ULK4: variants seen among roughly 807,000 people sequenced by gnomAD.
ULK4 encodes inactive serine/threonine-protein kinase ULK4.
ULK4 carries 133 observed loss-of-function variants against 160.6 expected under a neutral mutation model. That is an observed-to-expected ratio of 0.83 (90% confidence interval 0.72 to 0.96). The LOEUF is 0.96. ULK4 is among the 40% of genes least tolerant of loss of function. ULK4 has a pLI of 0.00. For synonymous variants in ULK4, 534 were observed against 539.8 expected (o/e 0.99, Z 0.15); for missense variants, 1,580 against 1,499.5 (o/e 1.05, Z -0.89).
intron 35 of ULK4, among the ~76,000 whole-genome samples, chr3:41,282,202 A>T (rs1575391750): frequency 6.6e-6 from 1 of 152,230 alleles, no homozygotes; most frequent in Non-Finnish European, 1.5e-5. Flanking sequence ...GGAAGAATTG[A>T]TATCGTGAAA....
intron 35 of ULK4, among the ~76,000 whole-genome samples, chr3:41,272,367 T>C (rs1299518866): frequency 1.0e-5 from 1 of 98,242 alleles, no homozygotes; most frequent in African/African-American, 5.3e-5. Context: ...TTTTTTTTTT[T>C]TGCTGGAAAT....
At chr3:41,379,190 A>T (rs1300355590) in intron 35 of ULK4, among the ~76,000 whole-genome samples, 1 of 149,476 alleles carries the variant, frequency 6.7e-6, no homozygotes, top group Non-Finnish European at 1.5e-5. Context: ...TGTATCCCAG[A>T]ACTTAAAGTA....
intron 17 of ULK4, among the ~76,000 whole-genome samples, chr3:41,838,418 G>A (rs998780956): frequency 2.6e-5 from 4 of 151,960 alleles, no homozygotes; most frequent in Admixed American, 2.0e-4. Flanking sequence ...CTAGTAAAAC[G>A]GTGACACCAG....
chr3:41,767,551 A>G (rs2039207939), intron 21 of ULK4, among the ~76,000 whole-genome samples: 2 of 152,034 alleles, frequency 1.3e-5, no homozygotes, highest in South Asian at 4.2e-4. Flanking sequence ...TCCCTCAATT[A>G]TCCAACAGTT....
intron 16 of ULK4, among the ~76,000 whole-genome samples, chr3:41,886,100 G>C (rs186394847): frequency 2.0e-3 from 303 of 152,220 alleles, no homozygotes; most frequent in African/African-American, 7.0e-3. Context: ...ACAACAATAC[G>C]TACCTCATGT....
intron 21 of ULK4, among the ~76,000 whole-genome samples, chr3:41,760,324 A>G (rs1285432944): frequency 6.6e-6 from 1 of 152,170 alleles, no homozygotes; most frequent in Non-Finnish European, 1.5e-5. Flanking sequence ...GAATGCAGAA[A>G]TGGTACAGGA....
At chr3:41,486,756 G>C (rs1208100155) in intron 32 of ULK4, among the ~76,000 whole-genome samples, 1 of 152,108 alleles carries the variant, frequency 6.6e-6, no homozygotes, top group South Asian at 2.1e-4. Context: ...TGGCCTTCTG[G>C]ACTAACTGCA....
At chr3:41,370,349 G>C (rs150268325) in intron 35 of ULK4, among the ~76,000 whole-genome samples, 71 of 152,322 alleles carry the variant, frequency 4.7e-4, no homozygotes, top group African/African-American at 1.7e-3. Context: ...GTTTAGTGGG[G>C]ATTACCAGGC....
chr3:41,598,154 T>A (rs986048016), intron 31 of ULK4, among the ~76,000 whole-genome samples: 1 of 152,128 alleles, frequency 6.6e-6, no homozygotes, highest in Admixed American at 6.5e-5. Context: ...TGGTCCCACA[T>A]GACCAGTTCC....
At chr3:41,813,831 ATGT>A (rs1306194508) in intron 19 of ULK4, among the ~76,000 whole-genome samples, 2 of 152,150 alleles carry the variant, frequency 1.3e-5, no homozygotes, top group African/African-American at 2.4e-5. Context: ...AACAGAAACG[ATGT>A]TGTTTTCTTT....
chr3:41,839,929 C>T (rs1380404479), intron 17 of ULK4, among the ~76,000 whole-genome samples: 1 of 152,058 alleles, frequency 6.6e-6, no homozygotes, highest in Non-Finnish European at 1.5e-5. Context: ...AATCAAAGAA[C>T]ATCTAAATAA....
intron 21 of ULK4, among the ~76,000 whole-genome samples, chr3:41,762,930 T>A (rs1157867208): frequency 6.6e-6 from 1 of 152,128 alleles, no homozygotes; most frequent in Non-Finnish European, 1.5e-5. Context: ...CCCAAAATGC[T>A]GGGATTACAG....
chr3:41,693,075 G>A (rs2036365242), intron 27 of ULK4, among the ~76,000 whole-genome samples: 1 of 152,158 alleles, frequency 6.6e-6, no homozygotes, highest in Non-Finnish European at 1.5e-5. Flanking sequence ...TGTTCTTAAA[G>A]TTATTGTTGC....
chr3:41,387,238 T>A (rs1559561346), intron 35 of ULK4, among the ~76,000 whole-genome samples: 1 of 152,160 alleles, frequency 6.6e-6, no homozygotes, highest in South Asian at 2.1e-4. Context: ...GTTGAAAATG[T>A]TCAATATCTT....
chr3:41,252,341 A>G (rs1173910398), intron 35 of ULK4, among the ~76,000 whole-genome samples: 1 of 152,218 alleles, frequency 6.6e-6, no homozygotes, highest in East Asian at 1.9e-4. Context: ...TCTGACAAAG[A>G]CTTCAAAGTG....
intron 21 of ULK4, among the ~76,000 whole-genome samples, chr3:41,757,581 G>A (rs1440647668): frequency 4.4e-5 from 6 of 137,448 alleles, no homozygotes; most frequent in African/African-American, 1.1e-4. Context: ...TCAGTGAGCC[G>A]ATATCGTGCC....
intron 17 of ULK4, chr3:41,859,325 A>C: frequency 1.7e-6 from 1 of 589,448 alleles, no homozygotes; most frequent in South Asian, 1.4e-5. Flanking sequence ...TCAAAGACTG[A>C]GCACTGTAGA....
At chr3:41,558,006 T>C (rs982228696) in intron 32 of ULK4, among the ~76,000 whole-genome samples, 2 of 152,130 alleles carry the variant, frequency 1.3e-5, no homozygotes, top group Non-Finnish European at 2.9e-5. Flanking sequence ...CAATCTCACA[T>C]GCTCTTGTGG....
chr3:41,423,912 C>G (rs1193733068), intron 34 of ULK4, among the ~76,000 whole-genome samples: 1 of 152,194 alleles, frequency 6.6e-6, no homozygotes, highest in Non-Finnish European at 1.5e-5. Context: ...CCACCAGGGC[C>G]TTGGGCCCCA....
Sources: gnomAD v4.1 joint callset for allele counts (sites outside exome capture counted in the v4.1 genomes callset) on GRCh38, gnomAD v4.1.1 for gene constraint, MANE v1.5 for transcripts, NCBI Gene and HGNC (gene_info 2026-07-23, HGNC 2026-07-21) for gene names.